The following PDIA5 variants were observed in gnomAD, a reference collection of about 807,000 sequenced individuals.
PDIA5 encodes protein disulfide-isomerase A5.
PDIA5 carries 58 observed loss-of-function variants against 77.6 expected under a neutral mutation model. The ratio of observed to expected loss-of-function variants is 0.75; its 90% CI spans 0.61 to 0.93. The LOEUF (loss-of-function observed/expected upper bound fraction) is 0.93. Among genes scored for constraint, PDIA5 ranks in the 40% least tolerant of loss-of-function variants. The pLI, the probability that PDIA5 is intolerant of heterozygous loss-of-function variation, is 0.00. For synonymous variants in PDIA5, 250 were observed against 252.1 expected, an observed-to-expected ratio of 0.99 and a Z score of 0.08; for missense variants, 630 against 647.7, an observed-to-expected ratio of 0.97 and a Z score of 0.30.
At chr3:123,110,277 C>T (rs990729259) in intron 6 of PDIA5, among the ~76,000 whole-genome samples, 1 of 152,158 alleles carries the variant, frequency 6.6e-6, no homozygotes, top group Admixed American at 6.5e-5. Context: ...ACATGCCTGG[C>T]ACTGTTCTAA....
intron 1 of PDIA5, chr3:123,067,555 G>C (rs1933603957): frequency 2.7e-5 from 8 of 300,422 alleles, no homozygotes; most frequent in Admixed American, 1.6e-4. Flanking sequence ...CTCCGCTCCA[G>C]ACTCCGAGCC....
intron 1 of PDIA5, among the ~76,000 whole-genome samples, chr3:123,083,672 G>C (rs1247406947): frequency 1.3e-5 from 2 of 152,174 alleles, no homozygotes; most frequent in Non-Finnish European, 2.9e-5. Context: ...TCCCCCAAGG[G>C]CTTGACAAAG....
intron 14 of PDIA5, among the ~76,000 whole-genome samples, chr3:123,151,879 T>TCCTGCCTGCCTG (rs2107988683): frequency 4.4e-5 from 6 of 135,618 alleles, no homozygotes; most frequent in African/African-American, 1.4e-4. Context: ...CTGCCCGCCT[T>TCCTGCCTGCCTG]CCTGCCTGCC....
chr3:123,146,395 C>A, intron 13 of PDIA5, 136 bp downstream of exon 13: 2 of 715,862 alleles, frequency 2.8e-6, no homozygotes, highest in Non-Finnish European at 2.3e-6. Flanking sequence ...ATCTGACTTC[C>A]TCAACCCTAA....
Position 123,161,318 on chromosome 3 carries a change from T to C in PDIA5, c.1345-3T>C. The C allele has an allele frequency of 1.2e-6, 2 of 1,613,666 alleles. No individual in the cohort carries two copies. Among genetic ancestry groups the C allele is most frequent in the Non-Finnish European group, 1.7e-6 (2 of 1,179,764 alleles). On this transcript the variant is annotated splice_polypyrimidine_tract_variant and splice_region_variant and intron_variant, in intron 15 of 16. Transcript: ENST00000316218. Reference sequence around the variant, plus strand: ...TGCCAACTCTCTTTACCTTGGCTCCTAGATTGCCTGTGCCGCTGTTGACTG... The same window carrying C: ...TGCCAACTCTCTTTACCTTGGCTCCCAGATTGCCTGTGCCGCTGTTGACTG...
rs35252405 is a variant in PDIA5, at chr3:123,079,175, C to CTTTT, written c.43-9973_43-9970dup. Among the ~76,000 whole-genome samples, 373 of 94,082 alleles carry CTTTT rather than the reference C, an allele frequency of 4.0e-3. 3 individuals are homozygous for CTTTT. The highest frequency in any genetic ancestry group is 0.01 in the Middle Eastern group (1 of 96). The allele number at this position is 94,082 out of a possible 152,430, so 61.7% of individuals were successfully genotyped here. ...GGTTATACCACGTATATTTTGAATT[C>CTTTT]TTTTTTTTTTTTTTTTTTTTTTTGA... On this transcript the variant is annotated intron_variant, in intron 1 of 16. Coordinates refer to ENST00000316218, the MANE Select transcript of PDIA5 (RefSeq NM_006810.4).
intron 1 of PDIA5, among the ~76,000 whole-genome samples, chr3:123,071,154 T>A (rs1933712880): frequency 6.6e-6 from 1 of 152,148 alleles, no homozygotes; most frequent in Non-Finnish European, 1.5e-5. Context: ...ATATATATAT[T>A]CTGCTGATCT....
chr3:123,111,702 A>G (rs946674766), intron 7 of PDIA5, among the ~76,000 whole-genome samples: 2 of 152,182 alleles, frequency 1.3e-5, no homozygotes, highest in Admixed American at 6.5e-5. Flanking sequence ...TGGCTTTCAA[A>G]CTTTTTGACT....
intron 10 of PDIA5, among the ~76,000 whole-genome samples, chr3:123,125,889 G>A (rs1935237508): frequency 6.6e-6 from 1 of 152,020 alleles, no homozygotes; most frequent in African/African-American, 2.4e-5. Context: ...TCTTAACCTG[G>A]GCCTTTGCTT....
intron 6 of PDIA5, among the ~76,000 whole-genome samples, chr3:123,108,562 G>T (rs1420104266): frequency 6.8e-6 from 1 of 147,826 alleles, no homozygotes; most frequent in Non-Finnish European, 1.5e-5. Context: ...TTACAGGCGT[G>T]AGCCACTGTG....
chr3:123,097,293 G>A (rs1054798175), intron 3 of PDIA5, among the ~76,000 whole-genome samples: 1 of 152,282 alleles, frequency 6.6e-6, no homozygotes, highest in African/African-American at 2.4e-5. Context: ...ACTTGTTGGA[G>A]TGACACATCC....
At chr3:123,086,224 C>G (rs1934135107) in intron 1 of PDIA5, among the ~76,000 whole-genome samples, 3 of 152,252 alleles carry the variant, frequency 2.0e-5, no homozygotes, top group Admixed American at 2.0e-4. Flanking sequence ...CTGATACTCT[C>G]AGAGTGCTTT....
At chr3:123,106,920 G>A (rs549143849) in intron 6 of PDIA5, 79 bp downstream of exon 6, 60 of 931,438 alleles carry the variant, frequency 6.4e-5, no homozygotes, top group South Asian at 1.4e-5. Context: ...GGAGCCCAAC[G>A]AACTGAGAAA....
intron 6 of PDIA5, 89 bp from the exon 7 acceptor site, chr3:123,110,855 C>A: frequency 9.4e-7 from 1 of 1,061,458 alleles, no homozygotes; most frequent in Non-Finnish European, 1.5e-6. Context: ...CTACCCTTCA[C>A]CCTGCTGTAT....
At chr3:123,152,378 T>C (rs1396787917) in intron 14 of PDIA5, among the ~76,000 whole-genome samples, 1 of 152,152 alleles carries the variant, frequency 6.6e-6, no homozygotes, top group Admixed American at 6.5e-5. Context: ...GAGGGCTTGG[T>C]CCTTAGAGTT....
At chr3:123,139,967 G>A (rs2107975568) in intron 11 of PDIA5, among the ~76,000 whole-genome samples, 1 of 152,288 alleles carries the variant, frequency 6.6e-6, no homozygotes, top group South Asian at 2.1e-4. Context: ...GCTGCTTTGA[G>A]TACAATTGAG....
intron 10 of PDIA5, among the ~76,000 whole-genome samples, chr3:123,128,585 G>A (rs547660160): frequency 6.6e-6 from 1 of 152,158 alleles, no homozygotes; most frequent in Non-Finnish European, 1.5e-5. Flanking sequence ...ATAGCTCACT[G>A]CAGCTTTGAA....
At chr3:123,118,986 C>A (rs1935051113) in intron 8 of PDIA5, among the ~76,000 whole-genome samples, 1 of 152,222 alleles carries the variant, frequency 6.6e-6, no homozygotes, top group Non-Finnish European at 1.5e-5. Flanking sequence ...CATGGTGGTT[C>A]ATGCCTGTAA....
At chr3:123,151,749 T>TGCCA (rs1553805749) in intron 14 of PDIA5, among the ~76,000 whole-genome samples, 1 of 135,380 alleles carries the variant, frequency 7.4e-6, no homozygotes, top group Non-Finnish European at 1.6e-5. Flanking sequence ...CCTGCCTGCC[T>TGCCA]GCCTGCCTGC....
Sources: allele counts gnomAD v4.1 joint callset (sites outside exome capture counted in the v4.1 genomes callset), GRCh38; gene constraint gnomAD v4.1.1; transcripts MANE v1.5; gene names NCBI Gene and HGNC (gene_info 2026-07-23, HGNC 2026-07-21).